ESR1: variants seen among roughly 807,000 people sequenced by gnomAD.
The protein encoded by ESR1 is estrogen receptor.
ESR1 carries 12 observed loss-of-function variants against 52.7 expected under a neutral mutation model. That is an observed-to-expected ratio of 0.23 (90% confidence interval 0.15 to 0.37). ESR1 has a LOEUF of 0.37. ESR1 is among the 10% of genes least tolerant of loss of function. ESR1 has a pLI of 1.00. For missense variants in ESR1, 584 were observed against 779.7 expected, an observed-to-expected ratio of 0.75 and a Z score of 2.99; for synonymous variants, 305 against 316.8, an observed-to-expected ratio of 0.96 and a Z score of 0.39.
At chr6:151,928,860 G>T (rs898136469) in intron 3 of ESR1, among the ~76,000 whole-genome samples, 1 of 151,776 alleles carries the variant, frequency 6.6e-6, no homozygotes, top group African/African-American at 2.4e-5. Context: ...TAAATATTTC[G>T]ATATTTTCCA....
intron 1 of ESR1, among the ~76,000 whole-genome samples, chr6:151,661,121 TA>T (rs1048686486): frequency 4.2e-5 from 6 of 143,012 alleles, no homozygotes; most frequent in East Asian, 1.9e-4. Flanking sequence ...ATAGTACAAT[TA>T]AAAAAATAAT....
At chr6:151,805,226 C>T (rs1460892058), upstream of ESR1, 1 of 152,180 alleles carries the variant, frequency 6.6e-6, no homozygotes, top group Non-Finnish European at 1.5e-5. Flanking sequence ...TGCCTCTGTT[C>T]AGAGACTGGG....
intron 6 of ESR1, among the ~76,000 whole-genome samples, chr6:152,091,988 G>A (rs900174468): frequency 3.3e-5 from 5 of 152,180 alleles, no homozygotes; most frequent in Admixed American, 1.3e-4. Context: ...GAGGCTCTAG[G>A]GGATGTGAGG....
chr6:152,056,013 G>A (rs1003921284), intron 5 of ESR1, among the ~76,000 whole-genome samples: 6 of 152,180 alleles, frequency 3.9e-5, no homozygotes, highest in African/African-American at 1.4e-4. Flanking sequence ...CAGAGTTTAA[G>A]TAATTTGTTC....
At chr6:152,020,398 G>A (rs544825521) in intron 5 of ESR1, among the ~76,000 whole-genome samples, 2 of 152,150 alleles carry the variant, frequency 1.3e-5, no homozygotes, top group Admixed American at 6.5e-5. Context: ...ATGCCAATGT[G>A]TTAGTACTGC....
At chr6:151,835,800 ATT>A (rs11339911) in intron 1 of ESR1, among the ~76,000 whole-genome samples, 24,874 of 151,100 alleles carry the variant, frequency 0.16, 2,126 homozygotes, top group Middle Eastern at 0.22. Context: ...TATAATGATG[ATT>A]TTTTTTTTTT....
At chr6:151,722,014 A>G (rs1781495284) in intron 2 of ESR1, among the ~76,000 whole-genome samples, 1 of 152,230 alleles carries the variant, frequency 6.6e-6, no homozygotes, top group Non-Finnish European at 1.5e-5. Flanking sequence ...GTGACAGATT[A>G]ATTTCCTAAG....
intron 1 of ESR1, among the ~76,000 whole-genome samples, chr6:151,827,867 A>G (rs1162133295): frequency 6.6e-6 from 1 of 152,242 alleles, no homozygotes; most frequent in Non-Finnish European, 1.5e-5. Flanking sequence ...AGCAGGTTTT[A>G]AAGATTAACA....
chr6:152,065,027 A>G (rs904758926), intron 6 of ESR1, among the ~76,000 whole-genome samples: 9 of 152,220 alleles, frequency 5.9e-5, no homozygotes, highest in Admixed American at 5.2e-4. Context: ...AACAACAGCT[A>G]TCATCATCAC....
chr6:152,090,559 G>A (rs1258865569), intron 6 of ESR1, among the ~76,000 whole-genome samples: 1 of 152,246 alleles, frequency 6.6e-6, no homozygotes, highest in Non-Finnish European at 1.5e-5. Flanking sequence ...TTGTACTAGA[G>A]CTTCCTTCTG....
At chr6:152,020,521 G>T (rs1260608104) in intron 5 of ESR1, among the ~76,000 whole-genome samples, 2 of 152,040 alleles carry the variant, frequency 1.3e-5, no homozygotes, top group Non-Finnish European at 2.9e-5. Context: ...TGTGATCTCG[G>T]CTCACTTCAA....
intron 1 of ESR1, among the ~76,000 whole-genome samples, chr6:151,821,530 C>G (rs1158123812): frequency 6.6e-6 from 1 of 151,848 alleles, no homozygotes; most frequent in Non-Finnish European, 1.5e-5. Context: ...TTCTTTTTTT[C>G]TGTTTCCAGG....
intron 1 of ESR1, among the ~76,000 whole-genome samples, chr6:151,693,914 G>A (rs1034660593): frequency 5.9e-5 from 9 of 152,116 alleles, no homozygotes; most frequent in African/African-American, 1.9e-4. Flanking sequence ...CAGCATACCC[G>A]GTTGTATGCT....
At chr6:151,870,918 C>T (rs1483387800) in intron 2 of ESR1, among the ~76,000 whole-genome samples, 3 of 151,970 alleles carry the variant, frequency 2.0e-5, no homozygotes, top group Non-Finnish European at 4.4e-5. Context: ...GTGGCACAAC[C>T]ACAGCTCAGG....
At position 152,061,148 on chromosome 6, in the gene ESR1, T is replaced by C. The variant is rs2047508303; in HGVS notation, c.1369+24T>C. 6.2e-7 allele frequency: 1 copy of C among 1,610,674 alleles called. No individual in the cohort carries two copies. The highest frequency in any genetic ancestry group is 1.7e-5 in the Admixed American group (1 of 59,970). Reference sequence around the variant, plus strand: ...TGGTGAGTTGATAACACAAGATAACTCAATGCTGGATGAAATGTTTATTTG... The same window carrying C: ...TGGTGAGTTGATAACACAAGATAACCCAATGCTGGATGAAATGTTTATTTG... On this transcript the variant is annotated intron_variant, in intron 6 of 7. Transcript: ENST00000206249. The surrounding 1 kb of genome is among the most constrained non-coding windows in gnomAD (Gnocchi z 4.3).
chr6:151,693,323 T>C (rs1779083906), intron 1 of ESR1, among the ~76,000 whole-genome samples: 1 of 152,164 alleles, frequency 6.6e-6, no homozygotes, highest in Admixed American at 6.5e-5. Context: ...AACTGGAAAC[T>C]TGATCTAAAA....
downstream of ESR1, among the ~76,000 whole-genome samples, chr6:152,104,317 TCATTTCTAAAATAGA>T (rs1240984031): frequency 6.6e-6 from 1 of 152,194 alleles, no homozygotes; most frequent in East Asian, 1.9e-4. Context: ...AATGGTTTCC[TCATTTCTAAAATAGA>T]AACAAGAATA....
chr6:151,860,271 A>G (rs1437105042), intron 2 of ESR1, among the ~76,000 whole-genome samples: 1 of 152,162 alleles, frequency 6.6e-6, no homozygotes, highest in Non-Finnish European at 1.5e-5. Context: ...GGGGGCATGG[A>G]GTGAGAGCAC....
At chr6:151,785,617 G>A (rs1427900877) in intron 2 of ESR1, among the ~76,000 whole-genome samples, 6 of 152,136 alleles carry the variant, frequency 3.9e-5, no homozygotes, top group African/African-American at 1.4e-4. Context: ...TACTACCGCA[G>A]GTAAAGTCTA....
Sources: allele counts gnomAD v4.1 joint callset (sites outside exome capture counted in the v4.1 genomes callset), GRCh38; gene constraint gnomAD v4.1.1; non-coding constraint Gnocchi (gnomAD v3.1); transcripts MANE v1.5; gene names NCBI Gene and HGNC (gene_info 2026-07-23, HGNC 2026-07-21).